The following SREBF2 variants were observed in gnomAD, a reference collection of about 807,000 sequenced individuals.
SREBF2 encodes the protein sterol regulatory element binding transcription factor 2, also known as sterol regulatory element-binding protein 2.
In SREBF2, 55 loss-of-function variants were observed where a neutral mutation model predicts 113.1. The ratio of observed to expected loss-of-function variants is 0.49; its 90% confidence interval spans 0.39 to 0.61. SREBF2 has a LOEUF of 0.61. SREBF2 is among the 20% of genes least tolerant of loss of function. The pLI is 0.00. For missense variants in SREBF2, 1,349 were observed against 1,487.4 expected (o/e 0.91, Z 1.53); for synonymous variants, 593 against 605.7 (o/e 0.98, Z 0.31).
intron 1 of SREBF2, among the ~76,000 whole-genome samples, chr22:41,839,956 CTTTTT>C (rs10588397): frequency 8.5e-6 from 1 of 117,590 alleles, no homozygotes; most frequent in African/African-American, 3.5e-5. Context: ...TGCTTAGTTT[CTTTTT>C]TTTTTTTTTT....
chr22:41,889,864 C>G (rs5996077), intron 11 of SREBF2, among the ~76,000 whole-genome samples: 36,418 of 151,654 alleles, frequency 0.24, 6,352 homozygotes, highest in African/African-American at 0.49. Flanking sequence ...AGCCAGGGAT[C>G]GTAGCACGCA....
At chr22:41,856,763 GC>G (rs1280434029) in intron 1 of SREBF2, among the ~76,000 whole-genome samples, 1 of 152,138 alleles carries the variant, frequency 6.6e-6, no homozygotes, top group South Asian at 2.1e-4. Context: ...AAGCTTGGAA[GC>G]TTGTGTTAAA....
chr22:41,837,634 G>A (rs1916329203), intron 1 of SREBF2, among the ~76,000 whole-genome samples: 1 of 151,358 alleles, frequency 6.6e-6, no homozygotes, highest in Non-Finnish European at 1.5e-5. Flanking sequence ...CGAGGCGGGT[G>A]GATCACCTGA....
intron 3 of SREBF2, among the ~76,000 whole-genome samples, chr22:41,869,755 G>A (rs1217250374): frequency 1.3e-5 from 2 of 152,156 alleles, no homozygotes; most frequent in African/African-American, 2.4e-5. Context: ...AAAGTGCTGA[G>A]ACTACAGGTG....
Position 41,877,436 on chromosome 22 carries a change from C to T in SREBF2, c.1579+15C>T. 6.2e-7 allele frequency: 1 copy of T among 1,613,614 alleles called. No individual in the cohort carries two copies. Among genetic ancestry groups the T allele is most frequent in the Non-Finnish European group, 8.5e-7 (1 of 1,179,748 alleles). Reference sequence around the variant, plus strand: ...ATTCGAGTCAGGTAGGTGGAGGCCCCTTGCCCCACCTGGGCATGGCTGGAC... The same window carrying T: ...ATTCGAGTCAGGTAGGTGGAGGCCCTTTGCCCCACCTGGGCATGGCTGGAC... On this transcript the variant is annotated intron_variant, in intron 8 of 18. Coordinates refer to ENST00000361204, the MANE Select transcript of SREBF2 (RefSeq NM_004599.4).
Position 41,833,269 on chromosome 22 carries a change from C to T in SREBF2, c.-2C>T. 1 of 1,518,734 alleles carries T rather than the reference C, an allele frequency of 6.6e-7. No homozygotes were observed. Among genetic ancestry groups the T allele is most frequent in the African/African-American group, 1.4e-5 (1 of 69,638 alleles). 94.1% of individuals were successfully genotyped at this position (1,518,734 alleles called of 1,614,324 possible). On this transcript the variant is annotated 5_prime_UTR_variant, in exon 1 of 19. Transcript: ENST00000361204. This position sits in a 1 kb window ranked among gnomAD's most constrained non-coding sequence, Gnocchi z 4.1. ...GGGGGGGCTTCTGCGCTGAGCCGGG[C>T]GATGGACGACAGCGGCGAGCTGGGT...
At position 41,897,126 on chromosome 22, in the gene SREBF2, C is replaced by A. The variant is rs149205651; in HGVS notation, c.2570C>A (p.Pro857Gln). 1.2e-6 allele frequency: 2 copies of A among 1,612,204 alleles called. No homozygotes were observed. Among genetic ancestry groups the A allele is most frequent in the Non-Finnish European group, 8.5e-7 (1 of 1,179,794 alleles). Residue 857 changes from proline (P) to glutamine (Q), a missense_variant, in exon 14 of 19, where the codon CCA (proline) becomes CAA (glutamine). Transcript: ENST00000361204. ...FVDSVGVMSP[P>Q]LSRSSVLKSA... ...GACTCTGTGGGGGTTATGAGCCCCC[C>A]ACTCTCCAGGAGCTCCGTGCTCAAG...
At chr22:41,875,792 G>A (rs2148389887) in intron 7 of SREBF2, 68 bp downstream of exon 7, 1 of 1,573,004 alleles carries the variant, frequency 6.4e-7, no homozygotes, top group Middle Eastern at 1.8e-4. Flanking sequence ...TAGCTGGGAG[G>A]TCACAGTTAT....
At chr22:41,887,221 GAAAAA>G (rs897543400) in intron 11 of SREBF2, among the ~76,000 whole-genome samples, 1 of 135,408 alleles carries the variant, frequency 7.4e-6, no homozygotes, top group Non-Finnish European at 1.6e-5. Context: ...TCCGTCTCAA[GAAAAA>G]AAAAAAAGAT....
chr22:41,894,916 G>C lies in SREBF2; in HGVS notation c.2474G>C (p.Gly825Ala), dbSNP rs373667605. The C allele has an allele frequency of 2.0e-5, 32 of 1,613,886 alleles. No individual in the cohort carries two copies. The highest frequency in any genetic ancestry group is 2.2e-5 in the Non-Finnish European group (26 of 1,180,016). The change falls in exon 13 of 19, where the codon GGA (glycine) becomes GCA (alanine). Residue 825 changes from glycine to alanine, a missense_variant. By Grantham distance (60) the Gly-to-Ala change is moderately conservative (BLOSUM62 0). This residue lies in a region of SREBF2 where 650 missense variants were observed against 644.1 expected (regional missense o/e 1.01). Coordinates refer to ENST00000361204, the MANE Select transcript of SREBF2 (RefSeq NM_004599.4). ...AAACCTCAGGCCAAGAAGAAGGCTGGAGACCAGGAAGAAGAGAGCTGGTAA... is the reference window on the plus strand; with the variant it reads ...AAACCTCAGGCCAAGAAGAAGGCTGCAGACCAGGAAGAAGAGAGCTGGTAA... ...LVKPQAKKKA[G>A]DQEEESCEFS... is the part of the protein sequence containing the mutation.
chr22:41,842,252 T>G (rs1358611396), intron 1 of SREBF2, among the ~76,000 whole-genome samples: 1 of 152,208 alleles, frequency 6.6e-6, no homozygotes, highest in Admixed American at 6.5e-5. Context: ...TCACAAGTAA[T>G]TAAATTTTTA....
At chr22:41,887,272 A>G (rs2077308511) in intron 11 of SREBF2, among the ~76,000 whole-genome samples, 1 of 152,210 alleles carries the variant, frequency 6.6e-6, no homozygotes, top group South Asian at 2.1e-4. Context: ...CAAATCATAA[A>G]TACACAGTTC....
chr22:41,840,393 T>C (rs1048321504), intron 1 of SREBF2, among the ~76,000 whole-genome samples: 1 of 152,220 alleles, frequency 6.6e-6, no homozygotes, highest in African/African-American at 2.4e-5. Context: ...CCTTCACTTA[T>C]CTTGGGACAA....
At position 41,859,799 on chromosome 22, in the gene SREBF2, C is replaced by CTTTTTTTTTTTTT. The variant is rs1174473976; in HGVS notation, c.89-7015_89-7003dup. ...GTTCCAAGGCTAGGATATGGTGATT[C>CTTTTTTTTTTTTT]TTTTTTTTTTTTTTTTTTTTTTTTT... On this transcript the variant is annotated intron_variant, in intron 1 of 18. Transcript: ENST00000361204. Among the ~76,000 whole-genome samples, 2 of 54,366 alleles carry CTTTTTTTTTTTTT rather than the reference C, an allele frequency of 3.7e-5. 1 individual carries two copies. 35.7% of individuals were successfully genotyped at this position (54,366 alleles called of 152,430 possible).
intron 1 of SREBF2, among the ~76,000 whole-genome samples, chr22:41,859,217 G>T (rs994207959): frequency 6.6e-6 from 1 of 152,020 alleles, no homozygotes; most frequent in African/African-American, 2.4e-5. Flanking sequence ...ACAATGAAAA[G>T]GCACTTTGGC....
chr22:41,899,510 A>G (rs1602348243), intron 15 of SREBF2: 1 of 992,518 alleles, frequency 1.0e-6, no homozygotes, highest in Non-Finnish European at 1.2e-6. Flanking sequence ...AGCATTTCCT[A>G]TCAAGCAGAC....
In SREBF2 at chr22:41,868,605, C is replaced by A. The variant is rs1001773552; in HGVS notation, c.539-6C>A. On this transcript the variant is annotated splice_polypyrimidine_tract_variant and splice_region_variant and intron_variant, in intron 2 of 18. Coordinates refer to ENST00000361204, the MANE Select transcript of SREBF2 (RefSeq NM_004599.4). ...CTCTGTGCCTTCTTTCTCCTCTTCT[C>A]CCAAGTCCTTCAGCCTCAAGTCCAA... 5.0e-6 allele frequency: 8 copies of A among 1,614,192 alleles called. No homozygotes were observed. Among genetic ancestry groups the A allele is most frequent in the Non-Finnish European group, 5.9e-6 (7 of 1,180,034 alleles).
rs1167984379 is a variant in SREBF2, at chr22:41,833,374, G to T, written c.88+16G>T. 1 of 1,499,546 alleles carries T rather than the reference G, an allele frequency of 6.7e-7. No homozygotes were observed. Among genetic ancestry groups the T allele is most frequent in the Non-Finnish European group, 9.0e-7 (1 of 1,111,860 alleles). The allele number at this position is 1,499,546 out of a possible 1,614,324, so 92.9% of individuals were successfully genotyped here. A position where few individuals can be genotyped will look rare whatever the true frequency, so the allele number is the denominator to read the frequency against. ...GACATCGACGGTGAGTGGTGGGTGGGTGGGAGTGCGGGGGCCGCGCGGGGA... is the reference window on the plus strand; with the variant it reads ...GACATCGACGGTGAGTGGTGGGTGGTTGGGAGTGCGGGGGCCGCGCGGGGA... On this transcript the variant is annotated intron_variant, in intron 1 of 18. Coordinates refer to ENST00000361204, the MANE Select transcript of SREBF2 (RefSeq NM_004599.4). The surrounding 1 kb of genome is among the most constrained non-coding windows in gnomAD (Gnocchi z 4.1).
intron 14 of SREBF2, among the ~76,000 whole-genome samples, chr22:41,898,031 T>C (rs2077431305): frequency 6.6e-6 from 1 of 152,230 alleles, no homozygotes; most frequent in Non-Finnish European, 1.5e-5. Context: ...CAGTCAAATA[T>C]GTGTTAAACT....
Sources: allele counts gnomAD v4.1 joint callset (sites outside exome capture counted in the v4.1 genomes callset), GRCh38; gene constraint gnomAD v4.1.1; regional missense constraint gnomAD v4.1.1; non-coding constraint Gnocchi (gnomAD v3.1); transcripts MANE v1.5; gene names NCBI Gene and HGNC (gene_info 2026-07-23, HGNC 2026-07-21).